Variants in PAK1 observed in about 807,000 individuals in gnomAD.
PAK1 encodes serine/threonine-protein kinase PAK 1.
Under a neutral mutation model 67.4 loss-of-function variants are expected in PAK1, and 29 were observed. That is an observed-to-expected ratio of 0.43 (90% CI 0.32 to 0.59). The LOEUF (loss-of-function observed/expected upper bound fraction) is 0.59, where lower values mean the gene tolerates loss of function less well. Ranked by LOEUF, PAK1 falls within the 20% of genes least tolerant of loss-of-function variation. The probability of loss-of-function intolerance (pLI) is 0.07; values close to 1 mark genes in which losing one functional copy is unlikely to be tolerated. For missense variants in PAK1, 337 were observed against 670.7 expected, an observed-to-expected ratio of 0.50 and a Z score of 5.50; for synonymous variants, 223 against 237.4, an observed-to-expected ratio of 0.94 and a Z score of 0.56.
chr11:77,398,921 G>A (rs1211581642), intron 1 of PAK1, among the ~76,000 whole-genome samples: 10 of 152,160 alleles, frequency 6.6e-5, no homozygotes, highest in Non-Finnish European at 1.2e-4. Context: ...CATTTAGGCT[G>A]GACTTGACTT....
chr11:77,462,968 G>GA (rs111437533), intron 1 of PAK1, among the ~76,000 whole-genome samples: 3,151 of 33,886 alleles, frequency 0.093, 179 homozygotes, highest in African/African-American at 0.23. Context: ...ACAACAGTGA[G>GA]AAAAAAAAAA....
chr11:77,505,855 G>A, the PAK1 span, among the ~76,000 whole-genome samples: 677 of 152,302 alleles, frequency 4.4e-3, 4 homozygotes, highest in African/African-American at 0.015. Context: ...CAAGAAGTGT[G>A]AACAGTGCTG....
intron 1 of PAK1, among the ~76,000 whole-genome samples, chr11:77,441,313 A>G (rs1956346781): frequency 6.6e-6 from 1 of 152,208 alleles, no homozygotes; most frequent in South Asian, 2.1e-4. Context: ...GGGTAATCCC[A>G]TACCCCTTGG....
intron 5 of PAK1, among the ~76,000 whole-genome samples, chr11:77,368,664 ATTT>A (rs199502449): frequency 7.0e-6 from 1 of 142,512 alleles, no homozygotes; most frequent in African/African-American, 2.6e-5. Context: ...TTTTTTATTT[ATTT>A]TTTTTTTGAG....
chr11:77,416,628 A>G (rs1954968159), intron 1 of PAK1, among the ~76,000 whole-genome samples: 1 of 152,154 alleles, frequency 6.6e-6, no homozygotes, highest in Non-Finnish European at 1.5e-5. Context: ...CCAGTAACAG[A>G]GTCATTTATC....
At chr11:77,382,726 G>A (rs745936558) in intron 2 of PAK1, among the ~76,000 whole-genome samples, 14 of 152,144 alleles carry the variant, frequency 9.2e-5, no homozygotes, top group East Asian at 1.9e-4. Flanking sequence ...GGCCGGGCAC[G>A]GTGGCTCACG....
At position 77,439,273 on chromosome 11, in the gene PAK1, G is replaced by C. The variant is rs142219566; in HGVS notation, c.-22+34279C>G. ...TCTCTTCTATCTTTTAAAAGTTAGG[G>C]CTTTGGCTTTTAAAACCAAAAAGCC... On this transcript the variant is annotated intron_variant, in intron 1 of 14. Transcript: ENST00000356341. Among the ~76,000 whole-genome samples, 1,314 of 152,046 alleles carry C rather than the reference G, an allele frequency of 8.6e-3. 12 individuals are homozygous for C. Among genetic ancestry groups the C allele is most frequent in the Middle Eastern group, 0.082 (24 of 294 alleles).
chr11:77,336,038 C>T (rs1375889559), intron 13 of PAK1, 48 bp downstream of exon 13: 6 of 1,242,792 alleles, frequency 4.8e-6, no homozygotes, highest in African/African-American at 1.5e-5. Flanking sequence ...TTTCCTGGGA[C>T]TAGAGACAAC....
At chr11:77,423,986 T>C (rs1318048660) in intron 1 of PAK1, among the ~76,000 whole-genome samples, 1 of 152,096 alleles carries the variant, frequency 6.6e-6, no homozygotes, top group East Asian at 1.9e-4. Context: ...ACTGAAAGAA[T>C]ATTGGGGGCT....
Position 77,379,350 on chromosome 11 carries a change from T to C in PAK1, c.330A>G (p.Ser110=). The C allele has an allele frequency of 6.2e-7, 1 of 1,613,928 alleles. No homozygotes were observed. Among genetic ancestry groups the C allele is most frequent in the Non-Finnish European group, 8.5e-7 (1 of 1,179,978 alleles). Residue 110 remains serine, a synonymous_variant, in exon 4 of 15, where the codon TCA becomes TCG. Coordinates refer to ENST00000356341, the MANE Select transcript of PAK1 (RefSeq NM_002576.5). ...TCTTCTGCTCCGACTTAGTGATATT[T>C]GATGTCTGAAGCAAGCGGGCCCACT... ...PEQWARLLQT[S]NITKSEQKKN... is the part of the protein sequence containing the mutation.
intron 1 of PAK1, among the ~76,000 whole-genome samples, chr11:77,443,594 C>T (rs527589): frequency 0.92 from 140,696 of 152,288 alleles, 65,179 homozygotes; most frequent in East Asian, 1. Flanking sequence ...ATTTTACATA[C>T]AGGAAAACTG....
chr11:77,324,168 A>T (rs368845168), intron 14 of PAK1, among the ~76,000 whole-genome samples: 22 of 134,024 alleles, frequency 1.6e-4, no homozygotes, highest in African/African-American at 7.1e-4. Flanking sequence ...ACAGAAAGCA[A>T]TTCCTTTTTT....
At chr11:77,365,642 G>A (rs1320139090) in intron 5 of PAK1, among the ~76,000 whole-genome samples, 2 of 152,038 alleles carry the variant, frequency 1.3e-5, no homozygotes, top group African/African-American at 4.8e-5. Context: ...GGACCAGCCT[G>A]GCCAATATGG....
At chr11:77,413,691 GA>G (rs1455716649) in intron 1 of PAK1, among the ~76,000 whole-genome samples, 1 of 147,530 alleles carries the variant, frequency 6.8e-6, no homozygotes, top group Non-Finnish European at 1.5e-5. Context: ...CTCAAAAAAA[GA>G]AAAAGGAAAA....
chr11:77,322,904 T>C lies in PAK1; in HGVS notation c.*370A>G. ...ATCTCAATTGATTACAAATTGATAA[T>C]ATTATCAAACCATAAATTTATATAG... is the stretch of plus-strand genomic sequence containing the variant. On this transcript the variant is annotated 3_prime_UTR_variant, in exon 15 of 15. Coordinates refer to ENST00000356341, the MANE Select transcript of PAK1 (RefSeq NM_002576.5). 1 of 557,242 alleles carries C rather than the reference T, an allele frequency of 1.8e-6. No homozygotes were observed. Among genetic ancestry groups the C allele is most frequent in the East Asian group, 2.9e-5 (1 of 34,418 alleles). The allele number at this position is 557,242 out of a possible 1,614,324, so 34.5% of individuals were successfully genotyped here. A position where few individuals can be genotyped will look rare whatever the true frequency, so the allele number is the denominator to read the frequency against.
At chr11:77,451,822 C>T (rs1375376415) in intron 1 of PAK1, among the ~76,000 whole-genome samples, 2 of 143,168 alleles carry the variant, frequency 1.4e-5, no homozygotes, top group South Asian at 4.2e-4. Flanking sequence ...CTGTCTCGAA[C>T]TCCTGACCTC....
At chr11:77,495,971 G>A in the PAK1 span, among the ~76,000 whole-genome samples, 2 of 151,778 alleles carry the variant, frequency 1.3e-5, no homozygotes, top group African/African-American at 4.8e-5. Flanking sequence ...GGATGGTAGT[G>A]GTAGTTGCAC....
At chr11:77,323,564 T>C (rs1005779537) in intron 14 of PAK1, among the ~76,000 whole-genome samples, 1 of 152,218 alleles carries the variant, frequency 6.6e-6, no homozygotes, top group Non-Finnish European at 1.5e-5. Context: ...CATCTACCTA[T>C]ACTCTAGTAA....
chr11:77,438,962 G>A (rs987439775), intron 1 of PAK1, among the ~76,000 whole-genome samples: 5 of 152,180 alleles, frequency 3.3e-5, no homozygotes, highest in African/African-American at 1.2e-4. Flanking sequence ...CTGGGTCTCT[G>A]TCTTGCCTGA....
Sources: gnomAD v4.1 joint callset for allele counts (sites outside exome capture counted in the v4.1 genomes callset) on GRCh38, gnomAD v4.1.1 for gene constraint, MANE v1.5 for transcripts, NCBI Gene and HGNC (gene_info 2026-07-23, HGNC 2026-07-21) for gene names.